Variants in MGAT5 observed in about 807,000 individuals in gnomAD.
MGAT5 encodes the protein alpha-1,6-mannosylglycoprotein 6-beta-N-acetylglucosaminyltransferase A.
Under a neutral mutation model 94.3 loss-of-function variants are expected in MGAT5, and 30 were observed. That is an observed-to-expected ratio of 0.32 (90% CI 0.24 to 0.43). The LOEUF (loss-of-function observed/expected upper bound fraction) is 0.43. MGAT5 is among the 20% of genes least tolerant of loss of function. The pLI is 1.00. For missense variants in MGAT5, 691 were observed against 905.5 expected, an observed-to-expected ratio of 0.76 and a Z score of 3.04; for synonymous variants, 310 against 322.9, an observed-to-expected ratio of 0.96 and a Z score of 0.43.
intron 1 of MGAT5, 80 bp from the exon 2 acceptor site, chr2:134,270,306 C>G (rs919489858): frequency 7.4e-7 from 1 of 1,359,394 alleles, no homozygotes; most frequent in Non-Finnish European, 1.0e-6. Flanking sequence ...AAGTTTTGTT[C>G]TCCACGATAA....
At chr2:134,182,557 A>G (rs983316203) in intron 1 of MGAT5, among the ~76,000 whole-genome samples, 2 of 152,170 alleles carry the variant, frequency 1.3e-5, no homozygotes, top group African/African-American at 2.4e-5. Flanking sequence ...ATTGGTATGC[A>G]GCATGATTTA....
At chr2:134,189,592 G>GTTTTTTTTTGTTTTTTTTTT (rs1689221558) in intron 1 of MGAT5, among the ~76,000 whole-genome samples, 1 of 56,316 alleles carries the variant, frequency 1.8e-5, no homozygotes, top group Non-Finnish European at 3.8e-5. Context: ...CATGGCTCTA[G>GTTTTTTTTTGTTTTTTTTTT]TTTTTTTTTG....
At chr2:134,310,843 C>G (rs1686609051) in intron 2 of MGAT5, among the ~76,000 whole-genome samples, 2 of 152,212 alleles carry the variant, frequency 1.3e-5, no homozygotes, top group South Asian at 4.1e-4. Flanking sequence ...ACTCCTGAAG[C>G]CAAGCCAGCT....
At chr2:134,142,281 GAA>G (rs1686693307) in intron 1 of MGAT5, among the ~76,000 whole-genome samples, 1 of 152,188 alleles carries the variant, frequency 6.6e-6, no homozygotes, top group Non-Finnish European at 1.5e-5. Context: ...ATACCACCCC[GAA>G]AAGAGTGTTA....
At chr2:134,306,303 CTAAT>C in intron 2 of MGAT5, among the ~76,000 whole-genome samples, 1 of 152,218 alleles carries the variant, frequency 6.6e-6, no homozygotes, top group South Asian at 2.1e-4. Context: ...AAAAAGCACT[CTAAT>C]TATCCAAACT....
At chr2:134,139,981 A>G (rs1686587463) in intron 1 of MGAT5, among the ~76,000 whole-genome samples, 1 of 152,174 alleles carries the variant, frequency 6.6e-6, no homozygotes, top group Non-Finnish European at 1.5e-5. Context: ...CTCTTGGAAC[A>G]CCTGTAAAAG....
At position 134,254,512 on chromosome 2, in the gene MGAT5, C is replaced by T. The variant is rs1682808936; in HGVS notation, c.109C>T (p.Arg37Ter). 6.2e-7 allele frequency: 1 copy of T among 1,614,208 alleles called. No individual in the cohort carries two copies. The change falls in exon 1 of 16, where the codon CGA becomes TGA. Residue 37 changes from arginine (R) to a stop codon, truncating the protein, a stop_gained. Coordinates refer to ENST00000281923, the MANE Select transcript of MGAT5 (RefSeq NM_002410.5). LOFTEE classifies it high-confidence loss of function. ...GCTTCTGCACTTTACCATCCAGCAG[C>T]GAACTCAGCCTGAAAGCAGCTCCAT... ...MMLLHFTIQQRTQPESSSMLR... is the reference protein window; with the variant it reads ...MMLLHFTIQQ
chr2:134,259,640 C>G (rs942350809), intron 1 of MGAT5, among the ~76,000 whole-genome samples: 5 of 152,196 alleles, frequency 3.3e-5, no homozygotes, highest in African/African-American at 1.2e-4. Context: ...CCTCCTTGAC[C>G]TCCAGGTTCT....
At chr2:134,307,553 T>C (rs1198467986) in intron 2 of MGAT5, among the ~76,000 whole-genome samples, 1 of 152,124 alleles carries the variant, frequency 6.6e-6, no homozygotes, top group East Asian at 1.9e-4. Context: ...ATAACAGTGA[T>C]AAATTATGTT....
In MGAT5 at chr2:134,379,312, T is replaced by A. The variant is rs970026539; in HGVS notation, c.1380+16904T>A. Among the ~76,000 whole-genome samples, 4 of 152,234 alleles carry A rather than the reference T, an allele frequency of 2.6e-5. No homozygotes were observed. In the South Asian group the frequency reaches 8.3e-4, roughly 32 times the overall value. On this transcript the variant is annotated intron_variant, in intron 10 of 15. Transcript: ENST00000281923. ...TAGTATTCCCGTCTCCAAGATCAAA[T>A]ATTCCTTTCCAGCTTTGTTCTTTTA...
At chr2:134,354,651 C>T (rs543073654) in intron 9 of MGAT5, among the ~76,000 whole-genome samples, 2 of 152,242 alleles carry the variant, frequency 1.3e-5, no homozygotes, top group Non-Finnish European at 2.9e-5. Context: ...GCACCATCGT[C>T]GTCAGGTGTT....
chr2:134,289,096 CCT>C (rs1491219805), intron 2 of MGAT5, among the ~76,000 whole-genome samples: 1 of 152,106 alleles, frequency 6.6e-6, no homozygotes, highest in African/African-American at 2.4e-5. Context: ...TCTACGTCCC[CCT>C]GTGTGGCCAT....
chr2:134,381,364 T>TAGATAGATAGATAAGATAAGATA (rs150819045), intron 10 of MGAT5, among the ~76,000 whole-genome samples: 46 of 95,660 alleles, frequency 4.8e-4, no homozygotes, highest in African/African-American at 1.5e-3. Flanking sequence ...GATAGATAGA[T>TAGATAGATAGATAAGATAAGATA]AGATAAGATA....
At chr2:134,372,276 G>A (rs1344222041) in intron 10 of MGAT5, among the ~76,000 whole-genome samples, 1 of 152,178 alleles carries the variant, frequency 6.6e-6, no homozygotes, top group African/African-American at 2.4e-5. Context: ...CCGGGCCTTT[G>A]CTTCCCAGTA....
intron 1 of MGAT5, among the ~76,000 whole-genome samples, chr2:134,163,559 C>T (rs1215521444): frequency 6.6e-6 from 1 of 152,194 alleles, no homozygotes; most frequent in Admixed American, 6.5e-5. Context: ...AAAAGGCAGA[C>T]ATCTTACTGA....
intron 2 of MGAT5, among the ~76,000 whole-genome samples, chr2:134,303,199 CG>C (rs2105832920): frequency 6.6e-6 from 1 of 152,124 alleles, no homozygotes; most frequent in Non-Finnish European, 1.5e-5. Flanking sequence ...CACTGATGAC[CG>C]TTTTTCCTTT....
At chr2:134,314,637 A>C (rs1015422642) in intron 2 of MGAT5, among the ~76,000 whole-genome samples, 1 of 152,218 alleles carries the variant, frequency 6.6e-6, no homozygotes, top group Non-Finnish European at 1.5e-5. Flanking sequence ...AGGATTCCTA[A>C]CAAAATCCTG....
intron 10 of MGAT5, among the ~76,000 whole-genome samples, chr2:134,365,672 C>T (rs1680383635): frequency 6.6e-6 from 1 of 152,130 alleles, no homozygotes; most frequent in Non-Finnish European, 1.5e-5. Flanking sequence ...GATAGAACTC[C>T]TGCAGCCTGG....
intron 14 of MGAT5, among the ~76,000 whole-genome samples, chr2:134,431,752 T>C (rs1391026412): frequency 6.6e-6 from 1 of 152,058 alleles, no homozygotes; most frequent in Admixed American, 6.5e-5. Flanking sequence ...CTTTCAGGGT[T>C]GTCCGTCATG....
Sources: gnomAD v4.1 joint callset for allele counts (sites outside exome capture counted in the v4.1 genomes callset) on GRCh38, gnomAD v4.1.1 for gene constraint, MANE v1.5 for transcripts, NCBI Gene and HGNC (gene_info 2026-07-23, HGNC 2026-07-21) for gene names.